The following ZNF365 variants were observed in gnomAD, a reference collection of about 807,000 sequenced individuals.
ZNF365 encodes protein ZNF365.
In ZNF365, 22 loss-of-function variants were observed where a neutral mutation model predicts 35.0. The ratio of observed to expected loss-of-function variants is 0.63; its 90% confidence interval spans 0.45 to 0.90. The LOEUF (loss-of-function observed/expected upper bound fraction) is 0.90. Ranked by LOEUF, ZNF365 falls within the 40% of genes least tolerant of loss-of-function variation. ZNF365 has a pLI of 0.00. For missense variants in ZNF365, 448 were observed against 500.3 expected, an observed-to-expected ratio of 0.90 and a Z score of 1.00; for synonymous variants, 188 against 196.2, an observed-to-expected ratio of 0.96 and a Z score of 0.35.
rs114543581 is a variant in ZNF365 at position 62,419,130 on chromosome 10, C to T, written c.924+30554C>T. Among the ~76,000 whole-genome samples the T allele has an allele frequency of 6.1e-3, 931 of 152,142 alleles. 7 individuals carry two copies. Among genetic ancestry groups the T allele is most frequent in the African/African-American group, 0.021 (876 of 41,522 alleles). On this transcript the variant is annotated intron_variant, in intron 3 of 4. Transcript: ENST00000395255. ...AATCTAAAAGTAAATGTGTGCATTC[C>T]GCTTTGATACAGTCTACTCCTGAAG...
At chr10:62,413,808 T>C (rs1455428635) in intron 3 of ZNF365, among the ~76,000 whole-genome samples, 1 of 152,188 alleles carries the variant, frequency 6.6e-6, no homozygotes, top group African/African-American at 2.4e-5. Flanking sequence ...AGCCATCCAA[T>C]ATACAAATAT....
downstream of ZNF365, among the ~76,000 whole-genome samples, chr10:62,404,170 G>C (rs1225204950): frequency 2.0e-5 from 3 of 152,172 alleles, no homozygotes; most frequent in East Asian, 5.8e-4. Context: ...AGGCAGGCTA[G>C]ATTCTCCTTC....
intron 3 of ZNF365, among the ~76,000 whole-genome samples, chr10:62,432,746 C>T (rs115223220): frequency 0.011 from 1,678 of 152,166 alleles, 28 homozygotes; most frequent in African/African-American, 0.039. Flanking sequence ...TGACAGAAGA[C>T]GGGCAATTTT....
At position 62,457,904 on chromosome 10, in the gene ZNF365, C is replaced by T. The variant is rs561504726; in HGVS notation, c.925-1837C>T. Among the ~76,000 whole-genome samples, 7 of 152,282 alleles carry T rather than the reference C, an allele frequency of 4.6e-5. No individual in the cohort carries two copies. The East Asian group carries it at 1.4e-3, about 29-fold the overall frequency. On this transcript the variant is annotated intron_variant, in intron 3 of 4. Transcript: ENST00000395255. ...CAAGTACAGAGAATCATGCAAATGA[C>T]TTTCTTTTCACCTCAAAACACCAAA...
chr10:62,454,514 A>C (rs1840731538), intron 3 of ZNF365, among the ~76,000 whole-genome samples: 1 of 152,230 alleles, frequency 6.6e-6, no homozygotes, highest in Non-Finnish European at 1.5e-5. Context: ...TGCTAGACAA[A>C]TTTACGGAAA....
chr10:62,446,332 C>A (rs544389439), intron 3 of ZNF365, among the ~76,000 whole-genome samples: 1 of 152,266 alleles, frequency 6.6e-6, no homozygotes, highest in Non-Finnish European at 1.5e-5. Flanking sequence ...ACTTCCTAAC[C>A]ATGTGACTTG....
chr10:62,439,757 A>G (rs1840465269), intron 3 of ZNF365, among the ~76,000 whole-genome samples: 1 of 152,190 alleles, frequency 6.6e-6, no homozygotes, highest in African/African-American at 2.4e-5. Flanking sequence ...AGCTTCTTAT[A>G]TCTTCTATTA....
intron 3 of ZNF365, among the ~76,000 whole-genome samples, chr10:62,438,332 G>A (rs1440684519): frequency 6.6e-6 from 1 of 151,904 alleles, no homozygotes; most frequent in Admixed American, 6.6e-5. Context: ...GGGATTACAG[G>A]CGCAGCAACC....
At chr10:62,425,938 T>C (rs1840244486) in intron 3 of ZNF365, among the ~76,000 whole-genome samples, 1 of 152,138 alleles carries the variant, frequency 6.6e-6, no homozygotes. Context: ...GAATAAATAA[T>C]AAGATGCTCA....
chr10:62,442,089 A>T (rs1840510755), intron 3 of ZNF365, among the ~76,000 whole-genome samples: 1 of 152,214 alleles, frequency 6.6e-6, no homozygotes, highest in Non-Finnish European at 1.5e-5. Context: ...TGCTATAAGC[A>T]CACAGAACCA....
intron 3 of ZNF365, among the ~76,000 whole-genome samples, chr10:62,396,912 A>G (rs928312478): frequency 1.3e-5 from 2 of 152,204 alleles, no homozygotes; most frequent in Admixed American, 6.5e-5. Flanking sequence ...ATAAGGAGAA[A>G]AGATTTAAAG....
intron 3 of ZNF365, among the ~76,000 whole-genome samples, chr10:62,394,540 C>T (rs1446162943): frequency 1.3e-5 from 2 of 152,144 alleles, no homozygotes; most frequent in Non-Finnish European, 2.9e-5. Flanking sequence ...GTGATTTTGA[C>T]AGATGGGATA....
At chr10:62,437,719 A>T (rs556951055) in intron 3 of ZNF365, among the ~76,000 whole-genome samples, 1 of 152,324 alleles carries the variant, frequency 6.6e-6, no homozygotes, top group African/African-American at 2.4e-5. Flanking sequence ...TTGGTAGCAA[A>T]TGCACTTTTC....
chr10:62,440,953 C>T (rs969581297), intron 3 of ZNF365, among the ~76,000 whole-genome samples: 5 of 152,112 alleles, frequency 3.3e-5, no homozygotes, highest in Admixed American at 1.3e-4. Flanking sequence ...AAATATTTCC[C>T]TCACAAAAGA....
In ZNF365 at chr10:62,401,426, A is replaced by G. The variant is rs1839826775; in HGVS notation, c.*1637A>G. On this transcript the variant is annotated 3_prime_UTR_variant, in exon 5 of 5. Coordinates refer to ENST00000395254, the MANE Select transcript of ZNF365 (RefSeq NM_014951.3). ...GAAAAGTGTAACTTATCATTATACA[A>G]ACATTCTGAACCTACCATAATGAAA... The G allele has an allele frequency of 1.0e-6, 1 of 985,516 alleles. No homozygotes were observed. The highest frequency in any genetic ancestry group is 1.2e-6 in the Non-Finnish European group (1 of 829,928). The allele number at this position is 985,516 out of a possible 1,614,324, so 61.0% of individuals were successfully genotyped here. A position where few individuals can be genotyped will look rare whatever the true frequency, so the allele number is the denominator to read the frequency against.
At chr10:62,472,723 T>C (rs899945766) in intron 4 of ZNF365, among the ~76,000 whole-genome samples, 2 of 152,198 alleles carry the variant, frequency 1.3e-5, no homozygotes, top group African/African-American at 2.4e-5. Context: ...ATGGCAGCCC[T>C]AGCAAACTAA....
intron 3 of ZNF365, among the ~76,000 whole-genome samples, chr10:62,430,639 A>G (rs1488115702): frequency 6.6e-6 from 1 of 152,216 alleles, no homozygotes; most frequent in African/African-American, 2.4e-5. Context: ...AAAACAGGAA[A>G]TGGTATTTTG....
rs10995162 is a variant in ZNF365 at position 62,447,689 on chromosome 10, T to C, written c.925-12052T>C. 6.4e-3 allele frequency among the ~76,000 whole-genome samples: 974 copies of C among 152,330 alleles called. 9 individuals carry two copies. Among genetic ancestry groups the C allele is most frequent in the African/African-American group, 0.022 (909 of 41,574 alleles). ...TCCTGATGGTGTGCTCCAGTACTTGTCTGTGCTTTACCCCTTTCTTTGCGG... is the reference window on the plus strand; with the variant it reads ...TCCTGATGGTGTGCTCCAGTACTTGCCTGTGCTTTACCCCTTTCTTTGCGG... On this transcript the variant is annotated intron_variant, in intron 3 of 4. Transcript: ENST00000395255.
In ZNF365 at chr10:62,399,725, G is replaced by A. The variant is rs752797846; in HGVS notation, c.1160G>A (p.Arg387His). Residue 387 changes from arginine to histidine, a missense_variant, in exon 5 of 5, where the codon CGC (arginine) becomes CAC (histidine). Physicochemically the swap from Arg to His is conservative, Grantham distance 29. This residue lies in a region of ZNF365 where 362 missense variants were observed against 375.7 expected (regional missense o/e 0.96). Transcript: ENST00000395254. ...PKKGELLGFG[R>H]KGNIRPKMAK... is the part of the protein sequence containing the mutation. ...AAAGGGGAGCTCCTGGGGTTTGGCC[G>A]CAAAGGCAACATCAGGCCCAAAATG... 32 of 1,613,938 alleles carry A rather than the reference G, an allele frequency of 2.0e-5. No individual in the cohort carries two copies. The highest frequency in any genetic ancestry group is 1.6e-4 in the East Asian group (7 of 44,888).
Sources: allele counts gnomAD v4.1 joint callset (sites outside exome capture counted in the v4.1 genomes callset), GRCh38; gene constraint gnomAD v4.1.1; regional missense constraint gnomAD v4.1.1; transcripts MANE v1.5; gene names NCBI Gene and HGNC (gene_info 2026-07-23, HGNC 2026-07-21).